CLIC6: variants seen among roughly 807,000 people sequenced by gnomAD.
CLIC6 encodes the protein CLIC family member 6, also known as chloride intracellular channel protein 6.
A neutral mutation model predicts 49.2 loss-of-function variants in CLIC6; 39 were observed. That is an observed-to-expected ratio of 0.79 (90% CI 0.61 to 1.04). CLIC6 has a LOEUF of 1.04. CLIC6 is among the 50% of genes least tolerant of loss of function. The pLI, the probability that CLIC6 is intolerant of heterozygous loss-of-function variation, is 0.00. For synonymous variants in CLIC6, 446 were observed against 433.4 expected (o/e 1.03, Z -0.36); for missense variants, 988 against 993.1 (o/e 0.99, Z 0.07).
chr21:34,688,720 C>T (rs777428961), intron 1 of CLIC6, among the ~76,000 whole-genome samples: 1 of 152,156 alleles, frequency 6.6e-6, no homozygotes, highest in Non-Finnish European at 1.5e-5. Context: ...GCTGAGCGGA[C>T]CTCAGTGGTG....
At chr21:34,710,124 A>G (rs887702971) in intron 5 of CLIC6, among the ~76,000 whole-genome samples, 17 of 152,004 alleles carry the variant, frequency 1.1e-4, no homozygotes, top group African/African-American at 3.9e-4. Flanking sequence ...AATAAAAAAA[A>G]AAAATTAGCT....
At chr21:34,677,525 T>A (rs767823811) in intron 1 of CLIC6, among the ~76,000 whole-genome samples, 3 of 152,222 alleles carry the variant, frequency 2.0e-5, no homozygotes, top group Non-Finnish European at 4.4e-5. Flanking sequence ...GGATAAAGCA[T>A]CTTACCCATG....
chr21:34,682,551 C>T (rs1601263959), intron 1 of CLIC6, among the ~76,000 whole-genome samples: 1 of 151,934 alleles, frequency 6.6e-6, no homozygotes, highest in Non-Finnish European at 1.5e-5. Context: ...AGAAGTTAGA[C>T]TTTTGTCTGT....
chr21:34,703,188 A>G (rs1277855235), intron 1 of CLIC6, among the ~76,000 whole-genome samples: 1 of 152,110 alleles, frequency 6.6e-6, no homozygotes, highest in Non-Finnish European at 1.5e-5. Flanking sequence ...GAAAATACCC[A>G]ATTAAAATAT....
chr21:34,706,711 G>T (rs558942716), intron 1 of CLIC6, among the ~76,000 whole-genome samples: 19 of 152,270 alleles, frequency 1.2e-4, no homozygotes, highest in African/African-American at 4.6e-4. Flanking sequence ...TCTCAACATT[G>T]TGTGTGTGAG....
At chr21:34,708,929 C>T in intron 4 of CLIC6, 123 bp downstream of exon 4, 1 of 702,416 alleles carries the variant, frequency 1.4e-6, no homozygotes, top group Non-Finnish European at 2.4e-6. Flanking sequence ...TCTGGAGCTA[C>T]AGAAAAAGTG....
chr21:34,688,412 G>A (rs1277255879), intron 1 of CLIC6, among the ~76,000 whole-genome samples: 1 of 152,174 alleles, frequency 6.6e-6, no homozygotes, highest in South Asian at 2.1e-4. Flanking sequence ...CGGTTCACCC[G>A]GGTGGTCTCC....
intron 1 of CLIC6, among the ~76,000 whole-genome samples, chr21:34,672,906 G>C (rs1342786223): frequency 6.6e-6 from 1 of 152,192 alleles, no homozygotes. Flanking sequence ...AAAAGTGCCT[G>C]GCTGGAAATA....
chr21:34,715,087 C>T (rs190030439), intron 5 of CLIC6, among the ~76,000 whole-genome samples: 8 of 152,268 alleles, frequency 5.3e-5, no homozygotes, highest in African/African-American at 1.2e-4. Flanking sequence ...CCAAAGTCTG[C>T]GCAGTAAGCC....
chr21:34,672,670 T>C (rs1989587483), intron 1 of CLIC6, among the ~76,000 whole-genome samples: 1 of 152,210 alleles, frequency 6.6e-6, no homozygotes, highest in Non-Finnish European at 1.5e-5. Context: ...AAGGCTTGAA[T>C]GGGCGGCTAG....
intron 1 of CLIC6, among the ~76,000 whole-genome samples, chr21:34,674,560 T>C (rs1318412188): frequency 6.6e-6 from 1 of 152,228 alleles, no homozygotes; most frequent in Non-Finnish European, 1.5e-5. Flanking sequence ...TTTGTCAGTT[T>C]GTTTTATTTT....
rs185444188 is a variant in CLIC6 at position 34,690,562 on chromosome 21, T to C, written c.1375-16718T>C. ...AAATGCCAGCCTCTCCTTTGTGTGG[T>C]GTAGGTGTGTTTGTTCATCTGCAGG... On this transcript the variant is annotated intron_variant, in intron 1 of 5. Coordinates refer to ENST00000349499, the MANE Select transcript of CLIC6 (RefSeq NM_053277.3). Among the ~76,000 whole-genome samples the C allele has an allele frequency of 3.5e-3, 536 of 152,064 alleles. 7 individuals are homozygous for C. Among genetic ancestry groups the C allele is most frequent in the African/African-American group, 0.012 (500 of 41,462 alleles).
At chr21:34,670,818 T>C in intron 1 of CLIC6, 56 bp downstream of exon 1, 1 of 1,529,810 alleles carries the variant, frequency 6.5e-7, no homozygotes, top group Non-Finnish European at 8.8e-7. Flanking sequence ...GAGGTCTTGG[T>C]CATCTCAGAT....
chr21:34,701,465 T>TTGA (rs1990189805), intron 1 of CLIC6, among the ~76,000 whole-genome samples: 2 of 152,106 alleles, frequency 1.3e-5, no homozygotes, highest in African/African-American at 4.8e-5. Flanking sequence ...GATGATGATG[T>TTGA]TGATGATGAT....
At chr21:34,679,861 G>A (rs1989742163) in intron 1 of CLIC6, among the ~76,000 whole-genome samples, 1 of 152,212 alleles carries the variant, frequency 6.6e-6, no homozygotes, top group African/African-American at 2.4e-5. Flanking sequence ...CACCCCTGTG[G>A]CTTTGCAGGG....
rs200757485 is a variant in CLIC6, at chr21:34,707,965, C to T, written c.1506C>T (p.Asn502=). The part of the protein sequence containing the change: ...DLKRKPADLQ[N]LAPGTNPPFM... ...CTAGGAAACCCGCAGACCTGCAGAA[C>T]CTGGCTCCCGGAACAAACCCTCCTT... is the stretch of plus-strand genomic sequence containing the variant. The change falls in exon 3 of 6, where the codon AAC becomes AAT. Residue 502 remains asparagine, a synonymous_variant. Transcript: ENST00000349499. 6.2e-7 allele frequency: 1 copy of T among 1,614,138 alleles called. No individual in the cohort carries two copies. The highest frequency in any genetic ancestry group is 8.5e-7 in the Non-Finnish European group (1 of 1,180,030).
chr21:34,674,754 G>C (rs1464433728), intron 1 of CLIC6, among the ~76,000 whole-genome samples: 2 of 152,200 alleles, frequency 1.3e-5, no homozygotes, highest in African/African-American at 4.8e-5. Flanking sequence ...TATTTAGTAA[G>C]AAAGGTTCTT....
chr21:34,669,236 C>T lies in CLIC6; in HGVS notation c.-153C>T, dbSNP rs1989470812. Among the ~76,000 whole-genome samples, 1 of 152,216 alleles carries T rather than the reference C, an allele frequency of 6.6e-6. No individual in the cohort carries two copies. Among genetic ancestry groups the T allele is most frequent in the African/African-American group, 2.4e-5 (1 of 41,464 alleles). ...TTGCCCTGCGGGTCCTGCGCAAGGC[C>T]CCAGTGCCCCGGCTAAACCTTTGCC... On this transcript the variant is annotated 5_prime_UTR_variant, in exon 1 of 6. Transcript: ENST00000349499.
chr21:34,709,969 T>A lies in CLIC6; in HGVS notation c.1899+431T>A, dbSNP rs138133593. Among the ~76,000 whole-genome samples, 4 of 152,302 alleles carry A rather than the reference T, an allele frequency of 2.6e-5. No individual in the cohort carries two copies. In the East Asian group the frequency reaches 7.7e-4, roughly 29 times the overall value. The stretch of plus-strand genomic sequence containing the variant: ...CTAGGGATGACAGAGGAGTGTTCTA[T>A]TAGCTTTTAACAGTGACCCTTGGCC... On this transcript the variant is annotated intron_variant, in intron 5 of 5. Transcript: ENST00000349499.
Sources: allele counts gnomAD v4.1 joint callset (sites outside exome capture counted in the v4.1 genomes callset), GRCh38; gene constraint gnomAD v4.1.1; transcripts MANE v1.5; gene names NCBI Gene and HGNC (gene_info 2026-07-23, HGNC 2026-07-21).